Variants in UBE2O observed in about 807,000 individuals in gnomAD.
The protein encoded by UBE2O is ubiquitin conjugating enzyme E2 O, also known as (E3-independent) E2 ubiquitin-conjugating enzyme.
A neutral mutation model predicts 125.8 loss-of-function variants in UBE2O; 15 were observed. The observed-to-expected ratio is 0.12, with a 90% confidence interval of 0.08 to 0.18. The LOEUF is 0.18. UBE2O is among the 10% of genes least tolerant of loss of function. The probability of loss-of-function intolerance (pLI) is 1.00; values close to 1 mark genes in which losing one functional copy is unlikely to be tolerated. For synonymous variants in UBE2O, 708 were observed against 703.2 expected, an observed-to-expected ratio of 1.01 and a Z score of -0.11; for missense variants, 1,280 against 1,723.6, an observed-to-expected ratio of 0.74 and a Z score of 4.56.
At chr17:76,440,938 T>C (rs1285733537) in intron 1 of UBE2O, among the ~76,000 whole-genome samples, 1 of 152,162 alleles carries the variant, frequency 6.6e-6, no homozygotes, top group African/African-American at 2.4e-5. Context: ...TGGGGGTATC[T>C]CTCTCCCCAC....
At position 76,402,080 on chromosome 17, in the gene UBE2O, G is replaced by C. The variant is rs140600896; in HGVS notation, c.734C>G (p.Pro245Arg). Residue 245 changes from proline to arginine, a missense_variant, in exon 5 of 18, where the codon CCG (proline) becomes CGG (arginine). Physicochemically the swap from Pro to Arg is moderately radical, Grantham distance 103 (BLOSUM62 -2). Transcript: ENST00000319380. The surrounding 1 kb of genome is among the most constrained non-coding windows in gnomAD (Gnocchi z 5.4). ...EDGAKLYDVCPHVSDSGLFFD... is the reference protein window; with the variant it reads ...EDGAKLYDVCRHVSDSGLFFD... ...GCACACTACCGAGTCGCTGACGTGC[G>C]GGCAGACGTCGTAGAGCTTGGCGCC... The C allele has an allele frequency of 1.2e-6, 2 of 1,613,662 alleles. No individual in the cohort carries two copies. Among genetic ancestry groups the C allele is most frequent in the Admixed American group, 1.7e-5 (1 of 60,002 alleles).
chr17:76,416,028 C>T (rs577495115), intron 1 of UBE2O, among the ~76,000 whole-genome samples: 99 of 149,028 alleles, frequency 6.6e-4, no homozygotes, highest in Non-Finnish European at 1.1e-3. Context: ...TGTACACACA[C>T]GTATATATGT....
intron 1 of UBE2O, among the ~76,000 whole-genome samples, chr17:76,421,588 C>T (rs369978032): frequency 9.1e-4 from 138 of 152,236 alleles, no homozygotes; most frequent in African/African-American, 3.0e-3. Flanking sequence ...TGGTCTTGAA[C>T]TTCCGACCTC....
In UBE2O at chr17:76,395,634, C is replaced by T. The variant is rs1014230552; in HGVS notation, c.2946+91G>A. On this transcript the variant is annotated intron_variant, in intron 15 of 17. Coordinates refer to ENST00000319380, the MANE Select transcript of UBE2O (RefSeq NM_022066.4). The surrounding 1 kb of genome is among the most constrained non-coding windows in gnomAD (Gnocchi z 5.0). ...AGTGTCCTCGCAGGTGCCAGTCAGC[C>T]CCGGAGGTTTGGGGACCCAAGGTTG... The T allele has an allele frequency of 6.0e-5, 90 of 1,493,434 alleles. No individual in the cohort carries two copies. The highest frequency in any genetic ancestry group is 7.8e-5 in the Non-Finnish European group (87 of 1,114,000). The allele number at this position is 1,493,434 out of a possible 1,614,324, so 92.5% of individuals were successfully genotyped here.
At chr17:76,447,374 GGTT>G (rs1410109845) in intron 1 of UBE2O, among the ~76,000 whole-genome samples, 2 of 152,208 alleles carry the variant, frequency 1.3e-5, no homozygotes, top group African/African-American at 2.4e-5. Context: ...AGCACCACAG[GGTT>G]GTTGTGAGCG....
At chr17:76,411,576 T>G (rs1049072097) in intron 1 of UBE2O, among the ~76,000 whole-genome samples, 1 of 152,220 alleles carries the variant, frequency 6.6e-6, no homozygotes, top group African/African-American at 2.4e-5. Context: ...TCTCCAGGTG[T>G]CAGACACCAG....
At chr17:76,418,704 G>C (rs2072656924) in intron 1 of UBE2O, among the ~76,000 whole-genome samples, 1 of 151,964 alleles carries the variant, frequency 6.6e-6, no homozygotes. Flanking sequence ...TGAGTAGCTG[G>C]GACTACAGGC....
At chr17:76,417,232 T>G (rs1430324954) in intron 1 of UBE2O, among the ~76,000 whole-genome samples, 1 of 152,206 alleles carries the variant, frequency 6.6e-6, no homozygotes, top group East Asian at 1.9e-4. Context: ...TCTTCACATG[T>G]GGGCACCCCC....
intron 1 of UBE2O, among the ~76,000 whole-genome samples, chr17:76,444,570 G>T (rs1376171627): frequency 6.6e-6 from 1 of 152,166 alleles, no homozygotes; most frequent in South Asian, 2.1e-4. Context: ...GAAAATGTCA[G>T]CAAATGCAGT....
chr17:76,431,077 G>T, intron 1 of UBE2O: 1 of 185,174 alleles, frequency 5.4e-6, no homozygotes, highest in South Asian at 9.5e-5. Context: ...TTTTCCCAAG[G>T]GTTTCTGGCA....
rs1036691271 is a variant in UBE2O, at chr17:76,405,830, G to T, written c.418-258C>A. Among the ~76,000 whole-genome samples the T allele has an allele frequency of 2.1e-4, 32 of 152,232 alleles. No homozygotes were observed. Among genetic ancestry groups the T allele is most frequent in the African/African-American group, 7.7e-4 (32 of 41,458 alleles). ...CCCACCAGAGGCACTTGGCTTGCCG[G>T]AGGTAGCCTTCCTCACACTGAACAG... On this transcript the variant is annotated intron_variant, in intron 1 of 17. Coordinates refer to ENST00000319380, the MANE Select transcript of UBE2O (RefSeq NM_022066.4). This position sits in a 1 kb window ranked among gnomAD's most constrained non-coding sequence, Gnocchi z 6.1.
chr17:76,417,367 G>A (rs394873), intron 1 of UBE2O, among the ~76,000 whole-genome samples: 80,850 of 152,240 alleles, frequency 0.53, 23,490 homozygotes, highest in South Asian at 0.67. Flanking sequence ...TGGAGAAGAC[G>A]ATAACATTTA....
chr17:76,427,414 C>T (rs934966217), intron 1 of UBE2O, among the ~76,000 whole-genome samples: 3 of 152,140 alleles, frequency 2.0e-5, no homozygotes, highest in South Asian at 2.1e-4. Context: ...TCTTTTAGCC[C>T]TTCAATCACT....
intron 1 of UBE2O, among the ~76,000 whole-genome samples, chr17:76,421,152 G>A (rs1273224603): frequency 3.3e-5 from 5 of 152,142 alleles, no homozygotes; most frequent in Admixed American, 6.5e-5. Context: ...CCAAAAGGCC[G>A]TTGCTCCTCT....
In UBE2O at chr17:76,405,646, G is replaced by T; in HGVS notation, c.418-74C>A. The T allele has an allele frequency of 7.5e-7, 1 of 1,338,784 alleles. No individual in the cohort carries two copies. The highest frequency in any genetic ancestry group is 1.0e-6 in the Non-Finnish European group (1 of 957,236). The allele number at this position is 1,338,784 out of a possible 1,614,324, so 82.9% of individuals were successfully genotyped here. A position where few individuals can be genotyped will look rare whatever the true frequency, so the allele number is the denominator to read the frequency against. On this transcript the variant is annotated intron_variant, in intron 1 of 17. Coordinates refer to ENST00000319380, the MANE Select transcript of UBE2O (RefSeq NM_022066.4). This position sits in a 1 kb window ranked among gnomAD's most constrained non-coding sequence, Gnocchi z 6.1. ...AGAATACAGTTTTCTTCCAGCTTCT[G>T]AAGGAAAGCGTCACATCCACACTGC... is the stretch of plus-strand genomic sequence containing the variant.
chr17:76,397,895 G>A lies in UBE2O; in HGVS notation c.2026-7C>T, dbSNP rs2072244381. Reference sequence around the variant, plus strand: ...CCACCTGGCCCACCGATGGCTGCTGGGCAAAGGGGACAAAGTCAGGGGGCC... The same window carrying A: ...CCACCTGGCCCACCGATGGCTGCTGAGCAAAGGGGACAAAGTCAGGGGGCC... On this transcript the variant is annotated splice_region_variant and splice_polypyrimidine_tract_variant and intron_variant, in intron 12 of 17. Coordinates refer to ENST00000319380, the MANE Select transcript of UBE2O (RefSeq NM_022066.4). 1 of 1,613,940 alleles carries A rather than the reference G, an allele frequency of 6.2e-7. No homozygotes were observed. Among genetic ancestry groups the A allele is most frequent in the Non-Finnish European group, 8.5e-7 (1 of 1,180,016 alleles).
rs1249361317 is a variant in UBE2O at position 76,398,180 on chromosome 17, G to A, written c.2025+75C>T. Reference sequence around the variant, plus strand: ...CAGGTCTTGTCTCCTAGAGCCACCTGGTGGCAGCATCAGGGACTGCAGCTG... The same window carrying A: ...CAGGTCTTGTCTCCTAGAGCCACCTAGTGGCAGCATCAGGGACTGCAGCTG... On this transcript the variant is annotated intron_variant, in intron 12 of 17. Coordinates refer to ENST00000319380, the MANE Select transcript of UBE2O (RefSeq NM_022066.4). This position sits in a 1 kb window ranked among gnomAD's most constrained non-coding sequence, Gnocchi z 5.4. 8 of 1,598,136 alleles carry A rather than the reference G, an allele frequency of 5.0e-6. No homozygotes were observed. The highest frequency in any genetic ancestry group is 1.3e-5 in the African/African-American group (1 of 74,748).
chr17:76,443,683 A>G (rs1440380833), intron 1 of UBE2O, among the ~76,000 whole-genome samples: 2 of 152,080 alleles, frequency 1.3e-5, no homozygotes, highest in African/African-American at 4.8e-5. Context: ...ACATGGCACA[A>G]TGGAGCTATC....
rs949851360 is a variant in UBE2O, at chr17:76,390,784, A to G, written c.*159T>C. 1.4e-5 allele frequency: 9 copies of G among 664,520 alleles called. No individual in the cohort carries two copies. In the African/African-American group the frequency reaches 1.5e-4, roughly 11 times the overall value. The allele number at this position is 664,520 out of a possible 1,614,324, so 41.2% of individuals were successfully genotyped here. On this transcript the variant is annotated 3_prime_UTR_variant, in exon 18 of 18. Transcript: ENST00000319380. The stretch of plus-strand genomic sequence containing the variant: ...AATAGAAACGGCAGCATCTCAACAC[A>G]CTTCTTGCACTTCAGCATCAAACTC...
Sources: gnomAD v4.1 joint callset for allele counts (sites outside exome capture counted in the v4.1 genomes callset) on GRCh38, gnomAD v4.1.1 for gene constraint, Gnocchi (gnomAD v3.1) non-coding constraint, MANE v1.5 for transcripts, NCBI Gene and HGNC (gene_info 2026-07-23, HGNC 2026-07-21) for gene names.